LGR5: variants seen among roughly 807,000 people sequenced by gnomAD.
The protein encoded by LGR5 is leucine-rich repeat-containing G protein-coupled receptor 5.
LGR5 carries 54 observed loss-of-function variants against 76.7 expected under a neutral mutation model. That is an observed-to-expected ratio of 0.70 (90% CI 0.57 to 0.88). The LOEUF (loss-of-function observed/expected upper bound fraction) is 0.88. Among genes scored for constraint, LGR5 ranks in the 40% least tolerant of loss-of-function variants. The pLI is 0.00. For synonymous variants in LGR5, 406 were observed against 421.9 expected (o/e 0.96, Z 0.46); for missense variants, 1,078 against 1,073.3 (o/e 1.00, Z -0.06).
intron 4 of LGR5, among the ~76,000 whole-genome samples, chr12:71,543,621 C>T (rs1001475972): frequency 6.6e-6 from 1 of 152,166 alleles, no homozygotes; most frequent in Non-Finnish European, 1.5e-5. Context: ...TGTGGAAGAA[C>T]TGTAGATTTC....
At chr12:71,511,930 C>T (rs1431895498) in intron 2 of LGR5, among the ~76,000 whole-genome samples, 2 of 152,092 alleles carry the variant, frequency 1.3e-5, no homozygotes, top group East Asian at 1.9e-4. Context: ...TCTATTTTGT[C>T]ACCACCTAGT....
chr12:71,582,092 T>C (rs1879116521), intron 16 of LGR5, among the ~76,000 whole-genome samples: 2 of 152,216 alleles, frequency 1.3e-5, no homozygotes, highest in Non-Finnish European at 2.9e-5. Context: ...ATAGCTTTTA[T>C]AGTGTTAGAA....
At chr12:71,519,650 A>T (rs1336043498) in intron 2 of LGR5, among the ~76,000 whole-genome samples, 1 of 151,294 alleles carries the variant, frequency 6.6e-6, no homozygotes, top group Admixed American at 6.6e-5. Context: ...AAAAACAAAA[A>T]ACAAAAAACA....
chr12:71,492,264 C>T (rs182533397), intron 1 of LGR5, among the ~76,000 whole-genome samples: 253 of 152,238 alleles, frequency 1.7e-3, no homozygotes, highest in Middle Eastern at 3.4e-3. Context: ...GTTACTTTTC[C>T]TTCTGAAGAG....
chr12:71,455,974 T>C (rs1248157321), intron 1 of LGR5, among the ~76,000 whole-genome samples: 3 of 152,246 alleles, frequency 2.0e-5, no homozygotes, highest in Non-Finnish European at 4.4e-5. Flanking sequence ...TATTGACAAA[T>C]GTATTTGTAA....
chr12:71,464,479 T>C (rs952060565), intron 1 of LGR5, among the ~76,000 whole-genome samples: 5 of 152,082 alleles, frequency 3.3e-5, no homozygotes, highest in Admixed American at 3.3e-4. Flanking sequence ...TAATAAGTGT[T>C]TTAGGAAAAT....
chr12:71,578,978 T>C, intron 15 of LGR5, 49 bp downstream of exon 15: 1 of 1,529,650 alleles, frequency 6.5e-7, no homozygotes, highest in South Asian at 1.2e-5. Flanking sequence ...TCATGTGAAA[T>C]AATAGATGTA....
In LGR5 at chr12:71,497,642, C is replaced by T. The variant is rs1032943913; in HGVS notation, c.213-6972C>T. ...TCTAGAAGTATATGTGAAAAGTGAT[C>T]GATTAAAAAGTGCTGGAATGGCTCC... On this transcript the variant is annotated intron_variant, in intron 1 of 17. Coordinates refer to ENST00000266674, the MANE Select transcript of LGR5 (RefSeq NM_003667.4). Among the ~76,000 whole-genome samples the T allele has an allele frequency of 1.1e-4, 16 of 152,032 alleles. 1 individual carries two copies. The highest frequency in any genetic ancestry group is 5.2e-4 in the Admixed American group (8 of 15,250).
intron 3 of LGR5, among the ~76,000 whole-genome samples, chr12:71,533,393 C>G (rs915745205): frequency 6.6e-6 from 1 of 152,056 alleles, no homozygotes; most frequent in Non-Finnish European, 1.5e-5. Flanking sequence ...ATATTTAGCA[C>G]AGCATGGGGT....
chr12:71,514,725 T>C (rs572962374), intron 2 of LGR5, among the ~76,000 whole-genome samples: 1 of 152,288 alleles, frequency 6.6e-6, no homozygotes, highest in African/African-American at 2.4e-5. Flanking sequence ...TTTTATTATA[T>C]CAAATAATGA....
intron 2 of LGR5, among the ~76,000 whole-genome samples, chr12:71,507,663 T>G (rs1874922110): frequency 6.6e-6 from 1 of 152,198 alleles, no homozygotes; most frequent in East Asian, 1.9e-4. Context: ...AAGCACCATG[T>G]TTATGCAGTA....
intron 1 of LGR5, among the ~76,000 whole-genome samples, chr12:71,476,907 C>T (rs1873360142): frequency 6.6e-6 from 1 of 152,040 alleles, no homozygotes; most frequent in Non-Finnish European, 1.5e-5. Context: ...TATGTGGTCC[C>T]AGCTTAAGAA....
chr12:71,537,127 C>T (rs1001824582), intron 4 of LGR5, among the ~76,000 whole-genome samples: 15 of 151,504 alleles, frequency 9.9e-5, no homozygotes, highest in African/African-American at 3.6e-4. Context: ...TGCCAGTGTC[C>T]CACTTTTTCT....
At chr12:71,566,816 T>G in intron 10 of LGR5, 25 bp from the exon 11 acceptor site, 1 of 1,606,734 alleles carries the variant, frequency 6.2e-7, no homozygotes, top group Non-Finnish European at 8.5e-7. Context: ...AATGAAAGAA[T>G]TATGTCTGGT....
chr12:71,501,707 T>C (rs1311817732), intron 1 of LGR5, among the ~76,000 whole-genome samples: 2 of 152,240 alleles, frequency 1.3e-5, no homozygotes, highest in African/African-American at 4.8e-5. Flanking sequence ...TAATAAAATA[T>C]TGAGCCTTGT....
chr12:71,450,993 T>TC (rs1872227946), intron 1 of LGR5, among the ~76,000 whole-genome samples: 1 of 151,910 alleles, frequency 6.6e-6, no homozygotes, highest in African/African-American at 2.4e-5. Context: ...CTGCTGCCAA[T>TC]CCCCCCTCCC....
At chr12:71,495,799 GAAGT>G (rs1253243480) in intron 1 of LGR5, among the ~76,000 whole-genome samples, 1 of 151,146 alleles carries the variant, frequency 6.6e-6, no homozygotes, top group Non-Finnish European at 1.5e-5. Flanking sequence ...AACCCCAGGA[GAAGT>G]AATATTAGAA....
chr12:71,538,617 G>T (rs1163203555), intron 4 of LGR5, among the ~76,000 whole-genome samples: 1 of 152,206 alleles, frequency 6.6e-6, no homozygotes, highest in African/African-American at 2.4e-5. Flanking sequence ...GATCTGCAAA[G>T]TATTCTCCAG....
At chr12:71,487,691 C>T (rs1873893830) in intron 1 of LGR5, among the ~76,000 whole-genome samples, 1 of 152,164 alleles carries the variant, frequency 6.6e-6, no homozygotes, top group Non-Finnish European at 1.5e-5. Context: ...TGTTAGTCAC[C>T]ACACCTGGCT....
Sources: gnomAD v4.1 joint callset for allele counts (sites outside exome capture counted in the v4.1 genomes callset) on GRCh38, gnomAD v4.1.1 for gene constraint, MANE v1.5 for transcripts, NCBI Gene and HGNC (gene_info 2026-07-23, HGNC 2026-07-21) for gene names.